The following CDK6 variants were observed in gnomAD, a reference collection of about 807,000 sequenced individuals.
CDK6 encodes the protein cyclin dependent kinase 6.
In CDK6, 6 loss-of-function variants were observed where a neutral mutation model predicts 37.1. The observed-to-expected ratio is 0.16, with a 90% CI of 0.09 to 0.32. The LOEUF is 0.32. CDK6 is among the 10% of genes least tolerant of loss of function. CDK6 has a pLI of 1.00. For synonymous variants in CDK6, 160 were observed against 161.3 expected (o/e 0.99, Z 0.06); for missense variants, 224 against 418.9 (o/e 0.53, Z 4.06).
chr7:92,741,957 T>C (rs528239210), intron 3 of CDK6, among the ~76,000 whole-genome samples: 31 of 152,242 alleles, frequency 2.0e-4, no homozygotes, highest in Non-Finnish European at 3.7e-4. Flanking sequence ...TAGGGAAGAA[T>C]AGGTGCTCAA....
chr7:92,727,195 C>G (rs1289325510), intron 3 of CDK6, among the ~76,000 whole-genome samples: 1 of 152,058 alleles, frequency 6.6e-6, no homozygotes, highest in African/African-American at 2.4e-5. Context: ...ATGGTGTATA[C>G]AAGGGAGGAT....
At chr7:92,735,260 C>A (rs1798758529) in intron 3 of CDK6, among the ~76,000 whole-genome samples, 1 of 152,076 alleles carries the variant, frequency 6.6e-6, no homozygotes, top group Non-Finnish European at 1.5e-5. Flanking sequence ...TTTTTTATTT[C>A]ATTTTTTACT....
intron 4 of CDK6, among the ~76,000 whole-genome samples, chr7:92,671,945 G>C (rs1016609226): frequency 1.3e-5 from 2 of 151,352 alleles, no homozygotes; most frequent in Non-Finnish European, 2.9e-5. Flanking sequence ...GAAGATGATG[G>C]CATACAGAGT....
chr7:92,819,507 T>A (rs1405339698), intron 2 of CDK6, among the ~76,000 whole-genome samples: 1 of 152,084 alleles, frequency 6.6e-6, no homozygotes, highest in Admixed American at 6.6e-5. Context: ...ACACTTAAAA[T>A]GGGTGTATTT....
chr7:92,681,900 C>T (rs1797345432), intron 4 of CDK6, among the ~76,000 whole-genome samples: 1 of 152,206 alleles, frequency 6.6e-6, no homozygotes, highest in Non-Finnish European at 1.5e-5. Context: ...CCAACTGTCT[C>T]CCGGACATCA....
rs1801680055 is a variant in CDK6, at chr7:92,836,480, G to A, written c.-370C>T. 6.6e-6 allele frequency: 1 copy of A among 151,682 alleles called. No homozygotes were observed. The highest frequency in any genetic ancestry group is 1.5e-5 in the Non-Finnish European group (1 of 67,894). The allele number at this position is 151,682 out of a possible 1,614,324, so 9.4% of individuals were successfully genotyped here. On this transcript the variant is annotated splice_region_variant and 5_prime_UTR_variant, in exon 1 of 8. Coordinates refer to ENST00000424848, the MANE Select transcript of CDK6 (RefSeq NM_001145306.2). The stretch of plus-strand genomic sequence containing the variant: ...CACCCGAGCGCACAGCTCCTCACCT[G>A]AGGGGCCCAGTCGCGTCGGGCCTCC...
At chr7:92,692,183 T>C (rs747022362) in intron 4 of CDK6, among the ~76,000 whole-genome samples, 5 of 152,058 alleles carry the variant, frequency 3.3e-5, no homozygotes, top group Admixed American at 2.6e-4. Flanking sequence ...GGAGAATTGC[T>C]TGAACCCAGG....
At chr7:92,831,806 G>A (rs1801489383) in intron 2 of CDK6, among the ~76,000 whole-genome samples, 1 of 152,100 alleles carries the variant, frequency 6.6e-6, no homozygotes, top group Admixed American at 6.6e-5. Context: ...CACCAGCCTG[G>A]GATAAGAGGA....
chr7:92,713,189 T>C (rs531425492), intron 4 of CDK6, among the ~76,000 whole-genome samples: 9 of 152,324 alleles, frequency 5.9e-5, no homozygotes, highest in Non-Finnish European at 1.0e-4. Context: ...CACAATGGGC[T>C]ATCTGTGGCT....
intron 4 of CDK6, chr7:92,725,141 C>A (rs915776298): frequency 6.8e-5 from 67 of 985,286 alleles, no homozygotes; most frequent in Non-Finnish European, 8.1e-5. Flanking sequence ...ATGCATCATC[C>A]AAGTTCACTG....
intron 4 of CDK6, among the ~76,000 whole-genome samples, chr7:92,683,506 A>G (rs1215087748): frequency 6.6e-6 from 1 of 152,198 alleles, no homozygotes; most frequent in East Asian, 1.9e-4. Context: ...GCCTTCCTTA[A>G]ATGGGGAGGA....
intron 4 of CDK6, among the ~76,000 whole-genome samples, chr7:92,687,403 G>GT (rs1339344071): frequency 1.3e-5 from 2 of 152,130 alleles, no homozygotes; most frequent in African/African-American, 4.8e-5. Flanking sequence ...ACCAAGAAAA[G>GT]TATCTTTTCT....
rs752522000 is a variant in CDK6, at chr7:92,607,240, G to A, written c.*7900C>T. ...TACGAGGGCACTACATCACGTGAGGGAAGCTTCTTCATGAGGGCAGACAAG... is the reference window on the plus strand; with the variant it reads ...TACGAGGGCACTACATCACGTGAGGAAAGCTTCTTCATGAGGGCAGACAAG... On this transcript the variant is annotated 3_prime_UTR_variant, in exon 8 of 8. Coordinates refer to ENST00000424848, the MANE Select transcript of CDK6 (RefSeq NM_001145306.2). 1 of 233,626 alleles carries A rather than the reference G, an allele frequency of 4.3e-6. No individual in the cohort carries two copies. Among genetic ancestry groups the A allele is most frequent in the Admixed American group, 5.6e-5 (1 of 17,778 alleles). 14.5% of individuals were successfully genotyped at this position (233,626 alleles called of 1,614,324 possible).
intron 5 of CDK6, among the ~76,000 whole-genome samples, chr7:92,660,945 A>G (rs1392838811): frequency 6.6e-6 from 1 of 152,206 alleles, no homozygotes; most frequent in African/African-American, 2.4e-5. Context: ...AGGGTCATCT[A>G]TATCTTATCT....
intron 5 of CDK6, among the ~76,000 whole-genome samples, chr7:92,661,646 C>T (rs922043930): frequency 1.3e-5 from 2 of 152,124 alleles, no homozygotes; most frequent in African/African-American, 4.8e-5. Context: ...TTTCATCTTT[C>T]TCATCTTCAC....
At chr7:92,804,444 G>A (rs1352045012) in intron 2 of CDK6, among the ~76,000 whole-genome samples, 2 of 152,120 alleles carry the variant, frequency 1.3e-5, no homozygotes, top group African/African-American at 2.4e-5. Context: ...CTTTAACTCC[G>A]TCCATTTCAG....
chr7:92,788,793 G>C (rs1420691274), intron 2 of CDK6, among the ~76,000 whole-genome samples: 1 of 152,108 alleles, frequency 6.6e-6, no homozygotes, highest in African/African-American at 2.4e-5. Context: ...AAACTATGGA[G>C]GGCAGAAGGC....
intron 2 of CDK6, among the ~76,000 whole-genome samples, chr7:92,808,639 A>G (rs958841600): frequency 1.3e-4 from 20 of 152,178 alleles, no homozygotes; most frequent in African/African-American, 4.8e-4. Flanking sequence ...GCAATTTTCC[A>G]ATGTCCTGAG....
intron 5 of CDK6, among the ~76,000 whole-genome samples, chr7:92,641,989 T>G (rs769183731): frequency 6.6e-6 from 1 of 152,196 alleles, no homozygotes; most frequent in Non-Finnish European, 1.5e-5. Context: ...TGAGACACCA[T>G]CATTTTCATC....
Sources: gnomAD v4.1 joint callset for allele counts (sites outside exome capture counted in the v4.1 genomes callset) on GRCh38, gnomAD v4.1.1 for gene constraint, MANE v1.5 for transcripts, NCBI Gene and HGNC (gene_info 2026-07-23, HGNC 2026-07-21) for gene names.